GALNT13: variants seen among roughly 807,000 people sequenced by gnomAD.
GALNT13 encodes UDP-GalNAc:polypeptide N-acetylgalactosaminyltransferase 13.
GALNT13 carries 28 observed loss-of-function variants against 64.2 expected under a neutral mutation model. The ratio of observed to expected loss-of-function variants is 0.44; its 90% CI spans 0.32 to 0.60. GALNT13 has a LOEUF of 0.60. Ranked by LOEUF, GALNT13 falls within the 20% of genes least tolerant of loss-of-function variation. The probability of loss-of-function intolerance (pLI) is 0.05; values close to 1 mark genes in which losing one functional copy is unlikely to be tolerated. For missense variants in GALNT13, 577 were observed against 669.8 expected (o/e 0.86, Z 1.53); for synonymous variants, 214 against 224.6 (o/e 0.95, Z 0.42).
the GALNT13 span, among the ~76,000 whole-genome samples, chr2:153,263,668 A>T: frequency 6.6e-6 from 1 of 152,206 alleles, no homozygotes; most frequent in African/African-American, 2.4e-5. Context: ...CTGCTCTTTG[A>T]TGAGCCTGAC....
At chr2:153,967,018 C>T (rs927285794) in intron 3 of GALNT13, among the ~76,000 whole-genome samples, 10 of 151,952 alleles carry the variant, frequency 6.6e-5, no homozygotes, top group Non-Finnish European at 1.0e-4. Flanking sequence ...TGAGAGACTG[C>T]GGCATTTTTC....
chr2:153,650,679 A>T, the GALNT13 span, among the ~76,000 whole-genome samples: 2 of 152,048 alleles, frequency 1.3e-5, no homozygotes, highest in Non-Finnish European at 2.9e-5. Flanking sequence ...AAATCTCAGC[A>T]TTTGCTTGTC....
chr2:154,454,470 C>T (rs928898282), downstream of GALNT13: 2 of 152,036 alleles, frequency 1.3e-5, no homozygotes, highest in Non-Finnish European at 2.9e-5. Context: ...CGAGACCAGC[C>T]TGGCCAACAT....
chr2:153,434,144 A>G, the GALNT13 span, among the ~76,000 whole-genome samples: 2 of 152,122 alleles, frequency 1.3e-5, no homozygotes, highest in Admixed American at 1.3e-4. Flanking sequence ...CCATGTCCCT[A>G]CAAAGGACAT....
At chr2:154,353,168 T>A (rs535080685) in intron 9 of GALNT13, among the ~76,000 whole-genome samples, 1 of 152,320 alleles carries the variant, frequency 6.6e-6, no homozygotes, top group East Asian at 1.9e-4. Flanking sequence ...TAATGGATAT[T>A]AAAATATATA....
the GALNT13 span, among the ~76,000 whole-genome samples, chr2:153,810,645 G>T: frequency 1.1e-4 from 17 of 152,234 alleles, no homozygotes; most frequent in Non-Finnish European, 1.5e-5. Flanking sequence ...AGTAGCAAAA[G>T]GTTTGGAAAA....
At chr2:154,154,152 A>C (rs1684255861) in intron 4 of GALNT13, among the ~76,000 whole-genome samples, 1 of 152,210 alleles carries the variant, frequency 6.6e-6, no homozygotes, top group African/African-American at 2.4e-5. Flanking sequence ...TAAGGCAGAA[A>C]TACTCAATTA....
intron 3 of GALNT13, among the ~76,000 whole-genome samples, chr2:154,103,503 C>T (rs1413776818): frequency 6.6e-6 from 1 of 152,036 alleles, no homozygotes; most frequent in Non-Finnish European, 1.5e-5. Flanking sequence ...GGTTGGGATC[C>T]ATTGATATAC....
chr2:153,267,230 C>A, the GALNT13 span, among the ~76,000 whole-genome samples: 2 of 152,208 alleles, frequency 1.3e-5, no homozygotes, highest in African/African-American at 2.4e-5. Context: ...GCTGCTTTCA[C>A]AGGCTGGTGG....
At chr2:154,107,312 T>G (rs1702674206) in intron 3 of GALNT13, among the ~76,000 whole-genome samples, 1 of 152,124 alleles carries the variant, frequency 6.6e-6, no homozygotes, top group Admixed American at 6.6e-5. Context: ...AAAATTGAAA[T>G]AGCTGGGCAC....
At chr2:153,141,384 C>T in the GALNT13 span, among the ~76,000 whole-genome samples, 1 of 152,004 alleles carries the variant, frequency 6.6e-6, no homozygotes. Flanking sequence ...TAAGGGTGGG[C>T]TAGGCCTAAG....
intron 4 of GALNT13, among the ~76,000 whole-genome samples, chr2:154,181,747 A>G (rs1232282769): frequency 6.6e-6 from 1 of 152,056 alleles, no homozygotes; most frequent in Non-Finnish European, 1.5e-5. Flanking sequence ...AGGTTGCTCA[A>G]AGTATTTTTT....
chr2:154,078,342 A>G (rs758876963), intron 3 of GALNT13, among the ~76,000 whole-genome samples: 35 of 151,564 alleles, frequency 2.3e-4, no homozygotes, highest in Non-Finnish European at 4.3e-4. Context: ...TAGGAAAAAG[A>G]AAATTAAAAT....
the GALNT13 span, among the ~76,000 whole-genome samples, chr2:153,487,337 A>G: frequency 1.3e-5 from 2 of 152,218 alleles, no homozygotes; most frequent in South Asian, 4.1e-4. Flanking sequence ...ACAAATATTA[A>G]AAGTCAATGT....
intron 8 of GALNT13, among the ~76,000 whole-genome samples, chr2:154,291,656 C>A (rs1692644257): frequency 6.6e-6 from 1 of 152,180 alleles, no homozygotes; most frequent in African/African-American, 2.4e-5. Context: ...CTGCGTGCAG[C>A]CCCAGCTCCT....
At chr2:153,783,335 G>A in the GALNT13 span, among the ~76,000 whole-genome samples, 1 of 152,172 alleles carries the variant, frequency 6.6e-6, no homozygotes, top group Non-Finnish European at 1.5e-5. Flanking sequence ...TTGAAACCAA[G>A]AGGAAATGAC....
chr2:153,478,194 T>C, the GALNT13 span: 5,584 of 1,515,670 alleles, frequency 3.7e-3, 16 homozygotes, highest in Non-Finnish European at 4.3e-3. Context: ...GCTAGCAAAG[T>C]GGGCAGGCGT....
At chr2:154,171,771 T>G (rs1435596403) in intron 4 of GALNT13, among the ~76,000 whole-genome samples, 1 of 152,074 alleles carries the variant, frequency 6.6e-6, no homozygotes, top group African/African-American at 2.4e-5. Flanking sequence ...TATTTCCACT[T>G]GAGAGTTTTG....
chr2:154,102,654 G>A (rs538115015), intron 3 of GALNT13, among the ~76,000 whole-genome samples: 5 of 152,056 alleles, frequency 3.3e-5, no homozygotes, highest in Admixed American at 6.6e-5. Context: ...CAAACATGAC[G>A]TGTTCCCCAA....
Sources: gnomAD v4.1 joint callset for allele counts (sites outside exome capture counted in the v4.1 genomes callset) on GRCh38, gnomAD v4.1.1 for gene constraint, MANE v1.5 for transcripts, NCBI Gene and HGNC (gene_info 2026-07-23, HGNC 2026-07-21) for gene names.